Variants in CAST observed in about 807,000 individuals in gnomAD.
The protein encoded by CAST is calpastatin.
A neutral mutation model predicts 119.6 loss-of-function variants in CAST; 76 were observed. The ratio of observed to expected loss-of-function variants is 0.64; its 90% CI spans 0.53 to 0.77. CAST has a LOEUF of 0.77. Ranked by LOEUF, CAST falls within the 30% of genes least tolerant of loss-of-function variation. The pLI, the probability that CAST is intolerant of heterozygous loss-of-function variation, is 0.00. For missense variants in CAST, 953 were observed against 946.5 expected (o/e 1.01, Z -0.09); for synonymous variants, 319 against 331.6 (o/e 0.96, Z 0.41).
chr5:96,443,973 GC>G, the CAST span, among the ~76,000 whole-genome samples: 1 of 152,080 alleles, frequency 6.6e-6, no homozygotes, highest in African/African-American at 2.4e-5. Context: ...AATTTTTCCA[GC>G]ATCTAATAAC....
the CAST span, among the ~76,000 whole-genome samples, chr5:96,146,993 A>G: frequency 6.6e-6 from 1 of 152,196 alleles, no homozygotes; most frequent in African/African-American, 2.4e-5. Flanking sequence ...CTTAAGTGCA[A>G]AGGAAGCTGG....
the CAST span, among the ~76,000 whole-genome samples, chr5:96,414,137 T>TAAAAAA: frequency 0.014 from 1,806 of 124,632 alleles, 53 homozygotes; most frequent in African/African-American, 0.053. Flanking sequence ...AGACTCTGTC[T>TAAAAAA]AAAAAAAAAA....
At chr5:96,321,882 G>C in the CAST span, among the ~76,000 whole-genome samples, 1 of 152,140 alleles carries the variant, frequency 6.6e-6, no homozygotes, top group South Asian at 2.1e-4. Flanking sequence ...TCTGTATAAT[G>C]CCATGCTATG....
At chr5:96,065,648 T>C in the CAST span, among the ~76,000 whole-genome samples, 1 of 152,106 alleles carries the variant, frequency 6.6e-6, no homozygotes, top group Admixed American at 6.6e-5. Context: ...AATCTAGAAA[T>C]AGAAATAGCA....
the CAST span, among the ~76,000 whole-genome samples, chr5:96,097,899 T>C: frequency 6.6e-6 from 1 of 152,178 alleles, no homozygotes; most frequent in Non-Finnish European, 1.5e-5. Context: ...CTTTAAGGAA[T>C]CACCACACTG....
the CAST span, chr5:96,392,785 G>T: frequency 5.0e-6 from 3 of 604,888 alleles, no homozygotes; most frequent in East Asian, 8.5e-5. Context: ...AGACAGGAAA[G>T]ATGTGTTTTG....
intron 1 of CAST, chr5:96,546,277 G>T (rs1746015521): frequency 6.6e-6 from 1 of 152,156 alleles, no homozygotes; most frequent in Non-Finnish European, 1.5e-5. Flanking sequence ...TTGAGGGAGA[G>T]ATGATGCAAC....
chr5:96,291,484 CGGAA>C, the CAST span, among the ~76,000 whole-genome samples: 6 of 151,716 alleles, frequency 4.0e-5, no homozygotes, highest in Admixed American at 3.9e-4. Context: ...TTTTTTTTCC[CGGAA>C]GAAAGATGAA....
the CAST span, among the ~76,000 whole-genome samples, chr5:96,099,025 T>C: frequency 7.7e-4 from 117 of 152,290 alleles, no homozygotes; most frequent in Non-Finnish European, 1.5e-3. Flanking sequence ...GTTCTCCTTG[T>C]AGAGATCTTT....
At chr5:96,161,970 T>C in the CAST span, among the ~76,000 whole-genome samples, 1 of 152,214 alleles carries the variant, frequency 6.6e-6, no homozygotes, top group Non-Finnish European at 1.5e-5. Flanking sequence ...TATTATATCC[T>C]GCAATCTACT....
chr5:95,977,063 A>G, the CAST span, among the ~76,000 whole-genome samples: 1 of 152,338 alleles, frequency 6.6e-6, no homozygotes, highest in East Asian at 1.9e-4. Context: ...TAACATGATT[A>G]ATATTTATGT....
At chr5:96,664,361 G>GTGTGTGTGCATATATA (rs1054032935) in intron 1 of CAST, among the ~76,000 whole-genome samples, 6 of 151,174 alleles carry the variant, frequency 4.0e-5, no homozygotes, top group African/African-American at 1.2e-4. Flanking sequence ...GTAAATATAT[G>GTGTGTGTGCATATATA]TGTGTGTGCA....
the CAST span, among the ~76,000 whole-genome samples, chr5:96,327,986 C>T: frequency 1.3e-5 from 2 of 152,208 alleles, no homozygotes; most frequent in African/African-American, 2.4e-5. Context: ...CGGCTTCCTC[C>T]ACCAGATGCC....
chr5:96,617,788 TCTAAAAAAAAA>T (rs1747495846), intron 1 of CAST, among the ~76,000 whole-genome samples: 3 of 16,706 alleles, frequency 1.8e-4, no homozygotes, highest in African/African-American at 6.7e-4. Context: ...CAAAATTCCA[TCTAAAAAAAAA>T]AAAAAAAAAA....
chr5:96,549,961 C>T (rs980497444), intron 1 of CAST, among the ~76,000 whole-genome samples: 3 of 152,246 alleles, frequency 2.0e-5, no homozygotes, highest in African/African-American at 7.2e-5. Context: ...TCTCTAGATT[C>T]CACCTCTGGG....
At chr5:96,119,822 C>G in the CAST span, among the ~76,000 whole-genome samples, 1 of 152,082 alleles carries the variant, frequency 6.6e-6, no homozygotes, top group Non-Finnish European at 1.5e-5. Context: ...AAATATTTTT[C>G]AAAATGGCAT....
chr5:96,695,984 A>G (rs938252620), intron 3 of CAST, 77 bp downstream of exon 3: 47 of 892,634 alleles, frequency 5.3e-5, no homozygotes, highest in Non-Finnish European at 7.8e-5. Context: ...GCCTGTAGGA[A>G]TGGCAAACAG....
the CAST span, among the ~76,000 whole-genome samples, chr5:96,364,764 C>A: frequency 1.3e-5 from 2 of 152,026 alleles, no homozygotes; most frequent in African/African-American, 2.4e-5. Context: ...TTGATCTTTT[C>A]AAAAAACCAG....
At chr5:96,317,776 AG>A in the CAST span, among the ~76,000 whole-genome samples, 1 of 152,244 alleles carries the variant, frequency 6.6e-6, no homozygotes, top group East Asian at 1.9e-4. Context: ...AGCTTAACTG[AG>A]GTGGGCCCCT....
Sources: gnomAD v4.1 joint callset for allele counts (sites outside exome capture counted in the v4.1 genomes callset) on GRCh38, gnomAD v4.1.1 for gene constraint, MANE v1.5 for transcripts, NCBI Gene and HGNC (gene_info 2026-07-23, HGNC 2026-07-21) for gene names.